ESPNL: variants seen among roughly 807,000 people sequenced by gnomAD.
ESPNL encodes espin-like protein.
Under a neutral mutation model 46.8 loss-of-function variants are expected in ESPNL, and 49 were observed. The observed-to-expected ratio is 1.05, with a 90% CI of 0.83 to 1.33. ESPNL has a LOEUF of 1.33. Ranked by LOEUF, ESPNL falls within the 40% of genes most tolerant of loss-of-function variation. The probability of loss-of-function intolerance (pLI) is 0.00; values close to 1 mark genes in which losing one functional copy is unlikely to be tolerated. For missense variants in ESPNL, 1,540 were observed against 1,436.6 expected, an observed-to-expected ratio of 1.07 and a Z score of -1.16; for synonymous variants, 664 against 662.1, an observed-to-expected ratio of 1.00 and a Z score of -0.04.
At chr2:238,124,882 T>C (rs4991022) in intron 5 of ESPNL, among the ~76,000 whole-genome samples, 82,169 of 151,960 alleles carry the variant, frequency 0.54, 24,187 homozygotes, top group African/African-American at 0.78. Flanking sequence ...TGTGCATATG[T>C]GTGCACATGT....
chr2:238,119,508 GGTGGGTGGAGGAGGGGAGATGGAGGA>G, intron 5 of ESPNL, among the ~76,000 whole-genome samples: 2 of 145,162 alleles, frequency 1.4e-5, no homozygotes, highest in African/African-American at 2.6e-5. Flanking sequence ...GGATGGAGGA[GGTGGGTGGAGGAGGGGAGATGGAGGA>G]GGTGGATGGA....
chr2:238,106,145 C>T (rs114443106), intron 3 of ESPNL, among the ~76,000 whole-genome samples: 447 of 152,186 alleles, frequency 2.9e-3, no homozygotes, highest in South Asian at 0.011. Flanking sequence ...GGCGTGTAGG[C>T]GCCAGGAGCT....
At chr2:238,106,193 G>A (rs4663285) in intron 3 of ESPNL, among the ~76,000 whole-genome samples, 20,904 of 152,218 alleles carry the variant, frequency 0.14, 1,617 homozygotes, top group South Asian at 0.28. Flanking sequence ...TACGTTCCCC[G>A]CACCTGGCAC....
chr2:238,128,808 G>GA lies in ESPNL; in HGVS notation c.1317_1318insA (p.Asp440ArgfsTer2), dbSNP rs745776811. Reference sequence around the variant, plus strand: ...ACATCGACGGGCTGGTGCCCACGCGGGATGAGCGCGGCCAGCCCATCCCAG... The same window carrying GA: ...ACATCGACGGGCTGGTGCCCACGCGGAGATGAGCGCGGCCAGCCCATCCCAG... On this transcript the variant is annotated frameshift_variant, in exon 8 of 9. Coordinates refer to ENST00000343063, the MANE Select transcript of ESPNL (RefSeq NM_194312.4). LOFTEE classifies it high-confidence loss of function. 1.3e-5 allele frequency: 20 copies of GA among 1,554,786 alleles called. No homozygotes were observed. Among genetic ancestry groups the GA allele is most frequent in the Non-Finnish European group, 1.7e-5 (19 of 1,149,980 alleles).
At chr2:238,109,206 C>A (rs769279906) in intron 4 of ESPNL, among the ~76,000 whole-genome samples, 8 of 152,158 alleles carry the variant, frequency 5.3e-5, no homozygotes, top group Non-Finnish European at 1.0e-4. Context: ...GGGTAAGTGG[C>A]CCCTGGCCAG....
At chr2:238,126,120 TTGATTGTGTCTGTGTCTGTG>T (rs1692104463) in intron 6 of ESPNL, among the ~76,000 whole-genome samples, 1 of 144,466 alleles carries the variant, frequency 6.9e-6, no homozygotes, top group African/African-American at 2.8e-5. Flanking sequence ...GTCTCTGTGA[TTGATTGTGTCTGTGTCTGTG>T]TGATTGTGTC....
In ESPNL at chr2:238,128,701, G is replaced by A. The variant is rs376085041; in HGVS notation, c.1216-6G>A. 35 of 1,594,774 alleles carry A rather than the reference G, an allele frequency of 2.2e-5. No individual in the cohort carries two copies. The African/African-American group carries it at 3.9e-4, about 18-fold the overall frequency. Reference sequence around the variant, plus strand: ...GGGCCTGTGTGACCCACCCCCTTCTGCACAGGGGACAGAGACGGCGCTGGC... The same window carrying A: ...GGGCCTGTGTGACCCACCCCCTTCTACACAGGGGACAGAGACGGCGCTGGC... On this transcript the variant is annotated splice_region_variant and splice_polypyrimidine_tract_variant and intron_variant, in intron 7 of 8. Transcript: ENST00000343063.
Position 238,127,253 on chromosome 2 carries a change from GTGTGTGTT to G in ESPNL, c.1103-367_1103-360del, listed in dbSNP as rs1402024724. ...TTCTTCACTCGAGGTTGACCCTGAA[GTGTGTGTT>G]TTCATCGGGGCAGGGAGCATTGCAG... On this transcript the variant is annotated intron_variant, in intron 6 of 8. Transcript: ENST00000343063. 3 of 647,940 alleles carry G rather than the reference GTGTGTGTT, an allele frequency of 4.6e-6. No individual in the cohort carries two copies. The African/African-American group carries it at 5.8e-5, about 13-fold the overall frequency. The allele number at this position is 647,940 out of a possible 1,614,324, so 40.1% of individuals were successfully genotyped here. A position where few individuals can be genotyped will look rare whatever the true frequency, so the allele number is the denominator to read the frequency against.
At chr2:238,107,665 T>G in intron 3 of ESPNL, 126 bp from the exon 4 acceptor site, 2 of 989,980 alleles carry the variant, frequency 2.0e-6, no homozygotes, top group South Asian at 3.6e-5. Flanking sequence ...CGGGGTTTCC[T>G]GAGGTTGTAC....
chr2:238,129,032 C>A, intron 8 of ESPNL, 128 bp downstream of exon 8: 1 of 1,435,452 alleles, frequency 7.0e-7, no homozygotes, highest in Non-Finnish European at 9.1e-7. Flanking sequence ...CCTCTGTGGC[C>A]TCAGCTGCTG....
intron 4 of ESPNL, among the ~76,000 whole-genome samples, chr2:238,113,902 T>C (rs1210343486): frequency 2.0e-5 from 3 of 152,328 alleles, no homozygotes; most frequent in East Asian, 3.9e-4. Flanking sequence ...AGAGCAGTTC[T>C]GAGTGCTGGG....
intron 2 of ESPNL, among the ~76,000 whole-genome samples, chr2:238,102,443 G>T (rs921237651): frequency 2.0e-5 from 3 of 152,182 alleles, no homozygotes; most frequent in African/African-American, 7.2e-5. Context: ...GCCCCACCTG[G>T]GGGCATCTCG....
intron 2 of ESPNL, among the ~76,000 whole-genome samples, 163 bp from the exon 3 acceptor site, chr2:238,104,493 G>C (rs1691549954): frequency 6.6e-6 from 1 of 152,242 alleles, no homozygotes; most frequent in Non-Finnish European, 1.5e-5. Context: ...AGCCACCTGG[G>C]GGAGCAACCT....
rs943340860 is a variant in ESPNL at position 238,100,346 on chromosome 2, G to T, written c.-74G>T. On this transcript the variant is annotated 5_prime_UTR_variant, in exon 1 of 9. Coordinates refer to ENST00000343063, the MANE Select transcript of ESPNL (RefSeq NM_194312.4). ...GGCAGCTTATCGGGTAACCAGAGCC[G>T]GCAGCTTCATCCACGTCTGAAACAG... 1.7e-6 allele frequency: 2 copies of T among 1,151,138 alleles called. No individual in the cohort carries two copies. Among genetic ancestry groups the T allele is most frequent in the Non-Finnish European group, 2.2e-6 (2 of 917,296 alleles). 71.3% of individuals were successfully genotyped at this position (1,151,138 alleles called of 1,614,324 possible). A position where few individuals can be genotyped will look rare whatever the true frequency, so the allele number is the denominator to read the frequency against.
intron 2 of ESPNL, among the ~76,000 whole-genome samples, chr2:238,103,036 T>C (rs1691521820): frequency 6.6e-6 from 1 of 152,224 alleles, no homozygotes; most frequent in African/African-American, 2.4e-5. Flanking sequence ...TTCTGTGGCT[T>C]TTCTCCAGAG....
intron 8 of ESPNL, chr2:238,129,196 C>T (rs1692220283): frequency 7.5e-7 from 1 of 1,328,816 alleles, no homozygotes; most frequent in South Asian, 2.0e-5. Context: ...TTCCTGGGCG[C>T]AGCGTCTAGC....
At chr2:238,115,369 C>A (rs924447429) in intron 4 of ESPNL, among the ~76,000 whole-genome samples, 9 of 152,302 alleles carry the variant, frequency 5.9e-5, no homozygotes, top group Non-Finnish European at 1.3e-4. Flanking sequence ...GGGGCCGGGG[C>A]AAGGGAGGCT....
chr2:238,131,175 C>T lies in ESPNL; in HGVS notation c.2461C>T (p.Arg821Trp), dbSNP rs1003889485. ...WKAIMAHVPARQLRRLSRQPR... is the reference protein window; with the variant it reads ...WKAIMAHVPAWQLRRLSRQPR... ...GGCCATCATGGCTCACGTGCCCGCC[C>T]GGCAGCTGCGGCGGCTGAGCCGGCA... The change falls in exon 9 of 9, where the codon CGG becomes TGG. Residue 821 changes from arginine (R) to tryptophan (W), a missense_variant. By Grantham distance (101) the Arg-to-Trp change is moderately radical. Transcript: ENST00000343063. The T allele has an allele frequency of 2.8e-5, 43 of 1,544,324 alleles. No individual in the cohort carries two copies. Among genetic ancestry groups the T allele is most frequent in the African/African-American group, 4.1e-5 (3 of 73,010 alleles).
chr2:238,113,821 G>C (rs985453815), intron 4 of ESPNL, among the ~76,000 whole-genome samples: 1 of 152,020 alleles, frequency 6.6e-6, no homozygotes, highest in Non-Finnish European at 1.5e-5. Context: ...TGGCCTCCCT[G>C]GTCCCCTGAG....
Sources: allele counts gnomAD v4.1 joint callset (sites outside exome capture counted in the v4.1 genomes callset), GRCh38; gene constraint gnomAD v4.1.1; transcripts MANE v1.5; gene names NCBI Gene and HGNC (gene_info 2026-07-23, HGNC 2026-07-21).